The following MANSC1 variants were observed in gnomAD, a reference collection of about 807,000 sequenced individuals.
MANSC1 encodes MANSC domain containing 1, also known as MANSC domain-containing protein 1.
A neutral mutation model predicts 14.1 loss-of-function variants in MANSC1; 13 were observed. The ratio of observed to expected loss-of-function variants is 0.92; its 90% confidence interval spans 0.60 to 1.46. The LOEUF (loss-of-function observed/expected upper bound fraction) is 1.46. Ranked by LOEUF, MANSC1 falls within the 40% of genes most tolerant of loss-of-function variation. The probability of loss-of-function intolerance (pLI) is 0.00; values close to 1 mark genes in which losing one functional copy is unlikely to be tolerated. For missense variants in MANSC1, 486 were observed against 511.4 expected (o/e 0.95, Z 0.48); for synonymous variants, 227 against 200.7 (o/e 1.13, Z -1.11).
intron 3 of MANSC1, among the ~76,000 whole-genome samples, chr12:12,337,560 C>T (rs1251893924): frequency 6.6e-6 from 1 of 152,108 alleles, no homozygotes; most frequent in Non-Finnish European, 1.5e-5. Context: ...GACTCCATCT[C>T]GGAAAAAGCA....
Position 12,330,033 on chromosome 12 carries a change from G to A in MANSC1, c.1290C>T (p.Asp430=), listed in dbSNP as rs756649008. 1.2e-6 allele frequency: 2 copies of A among 1,612,866 alleles called. No individual in the cohort carries two copies. Among genetic ancestry groups the A allele is most frequent in the East Asian group, 4.5e-5 (2 of 44,866 alleles). Residue 430 remains aspartate, a synonymous_variant, in exon 4 of 4, where the codon GAC becomes GAT. Transcript: ENST00000535902. ...GAGACACCGAGTTCCATCCTTAGATGTCCACATAGATCCCATTGATCAAAT... is the reference window on the plus strand; with the variant it reads ...GAGACACCGAGTTCCATCCTTAGATATCCACATAGATCCCATTGATCAAAT... ...LDYLINGIYV[D]I is the part of the protein sequence containing the mutation.
chr12:12,347,345 C>T (rs1160587766), intron 1 of MANSC1, among the ~76,000 whole-genome samples: 4 of 152,096 alleles, frequency 2.6e-5, no homozygotes, highest in Non-Finnish European at 4.4e-5. Flanking sequence ...AGGGTTCGTG[C>T]GCCGATGAGA....
At chr12:12,344,856 G>C (rs1405177140) in intron 1 of MANSC1, among the ~76,000 whole-genome samples, 5 of 136,652 alleles carry the variant, frequency 3.7e-5, no homozygotes, top group African/African-American at 5.5e-5. Flanking sequence ...TTGCTCCTCA[G>C]CCTGCAGATG....
chr12:12,342,345 G>GT (rs1862945162), intron 2 of MANSC1, among the ~76,000 whole-genome samples: 1 of 152,248 alleles, frequency 6.6e-6, no homozygotes, highest in Non-Finnish European at 1.5e-5. Flanking sequence ...AAGAAATTTA[G>GT]TTTTTTTCAT....
At chr12:12,334,634 C>G (rs186510270) in intron 3 of MANSC1, among the ~76,000 whole-genome samples, 5 of 152,212 alleles carry the variant, frequency 3.3e-5, no homozygotes, top group Admixed American at 6.5e-5. Flanking sequence ...CCTTCACACT[C>G]GCCCTAAAAA....
At chr12:12,332,362 C>G (rs531223398) in intron 3 of MANSC1, among the ~76,000 whole-genome samples, 1 of 152,298 alleles carries the variant, frequency 6.6e-6, no homozygotes, top group South Asian at 2.1e-4. Flanking sequence ...CGTGACTACT[C>G]TCTAAGCCTT....
intron 3 of MANSC1, among the ~76,000 whole-genome samples, chr12:12,334,287 A>AG: frequency 6.9e-6 from 1 of 144,180 alleles, no homozygotes; most frequent in East Asian, 2.1e-4. Flanking sequence ...TTAAAAAAAA[A>AG]GAAAAAAAAA....
chr12:12,333,563 A>C (rs1565795013), intron 3 of MANSC1, among the ~76,000 whole-genome samples: 1 of 152,110 alleles, frequency 6.6e-6, no homozygotes, highest in Non-Finnish European at 1.5e-5. Context: ...CCACAAAGGG[A>C]TCCTCCACAC....
chr12:12,347,422 G>T (rs10845529), intron 1 of MANSC1, among the ~76,000 whole-genome samples: 83,286 of 151,950 alleles, frequency 0.55, 23,061 homozygotes, highest in East Asian at 0.71. Context: ...TAAATACAGA[G>T]GAAGCTTTGC....
At chr12:12,334,656 A>G (rs1379883823) in intron 3 of MANSC1, among the ~76,000 whole-genome samples, 2 of 152,216 alleles carry the variant, frequency 1.3e-5, no homozygotes, top group Non-Finnish European at 2.9e-5. Flanking sequence ...ATTTATGCAC[A>G]TGCCAAGTTC....
rs1862753974 is a variant in MANSC1 at position 12,329,658 on chromosome 12, G to A, written c.*369C>T. ...CCCAGCACTTTGGGAGGCCGAGGAG[G>A]GTGGATCACTAGGTCAGGAGTTTGA... On this transcript the variant is annotated 3_prime_UTR_variant, in exon 4 of 4. Transcript: ENST00000535902. The A allele has an allele frequency of 6.0e-6, 1 of 167,800 alleles. No individual in the cohort carries two copies. The highest frequency in any genetic ancestry group is 2.4e-5 in the African/African-American group (1 of 41,722). 10.4% of individuals were successfully genotyped at this position (167,800 alleles called of 1,614,324 possible).
At chr12:12,349,475 G>C (rs917412477) in intron 1 of MANSC1, among the ~76,000 whole-genome samples, 8 of 152,162 alleles carry the variant, frequency 5.3e-5, no homozygotes, top group Admixed American at 5.2e-4. Flanking sequence ...GGTTAGCGAC[G>C]TTTTCTAATC....
Position 12,343,163 on chromosome 12 carries a change from C to T in MANSC1, c.152G>A (p.Gly51Asp), listed in dbSNP as rs755877772. ...AGTTGAAGTATATACGGGCTCATTG[C>T]CTCTGATTCCCTTAGAAAGAGATGA... ...IQSSLSKGIR[G>D]NEPVYTSTQE... The change falls in exon 2 of 4, where the codon GGC (glycine) becomes GAC (aspartate). Residue 51 changes from glycine to aspartate, a missense_variant. Coordinates refer to ENST00000535902, the MANE Select transcript of MANSC1 (RefSeq NM_018050.4). 5 of 1,613,948 alleles carry T rather than the reference C, an allele frequency of 3.1e-6. No individual in the cohort carries two copies. The Admixed American group carries it at 8.3e-5, about 27-fold the overall frequency.
intron 2 of MANSC1, among the ~76,000 whole-genome samples, chr12:12,339,473 G>A (rs143385157): frequency 6.6e-6 from 1 of 151,974 alleles, no homozygotes; most frequent in East Asian, 1.9e-4. Flanking sequence ...TCTCTATATT[G>A]CCCAGGCTAG....
At chr12:12,340,436 T>G (rs1234250993) in intron 2 of MANSC1, among the ~76,000 whole-genome samples, 1 of 152,236 alleles carries the variant, frequency 6.6e-6, no homozygotes, top group Non-Finnish European at 1.5e-5. Context: ...GGAGTACTCC[T>G]GCTTTTCCTT....
At chr12:12,346,558 C>T (rs1468903071) in intron 1 of MANSC1, among the ~76,000 whole-genome samples, 1 of 152,158 alleles carries the variant, frequency 6.6e-6, no homozygotes, top group Non-Finnish European at 1.5e-5. Context: ...GAAATAGACC[C>T]TCACAAAGAG....
chr12:12,343,434 T>A lies in MANSC1; in HGVS notation c.-100-20A>T. The A allele has an allele frequency of 1.6e-6, 1 of 630,528 alleles. No individual in the cohort carries two copies. The highest frequency in any genetic ancestry group is 2.8e-6 in the Non-Finnish European group (1 of 362,750). The allele number at this position is 630,528 out of a possible 1,614,324, so 39.1% of individuals were successfully genotyped here. ...TTCTCTCTAGAACAAAAATGGAAAATCATCAATGAGTTTTGTTTCTTTAAC... is the reference window on the plus strand; with the variant it reads ...TTCTCTCTAGAACAAAAATGGAAAAACATCAATGAGTTTTGTTTCTTTAAC... On this transcript the variant is annotated intron_variant, in intron 1 of 3. Transcript: ENST00000535902.
chr12:12,333,703 T>A (rs1307348729), intron 3 of MANSC1, among the ~76,000 whole-genome samples: 3 of 152,204 alleles, frequency 2.0e-5, no homozygotes, highest in African/African-American at 7.2e-5. Context: ...GGAGTTTTAT[T>A]TTCAAACGAC....
At chr12:12,338,275 T>C in intron 3 of MANSC1, 145 bp downstream of exon 3, 1 of 673,310 alleles carries the variant, frequency 1.5e-6, no homozygotes, top group Non-Finnish European at 2.2e-6. Flanking sequence ...TTTGGTTTAA[T>C]AAATTGAATT....
Sources: gnomAD v4.1 joint callset for allele counts (sites outside exome capture counted in the v4.1 genomes callset) on GRCh38, gnomAD v4.1.1 for gene constraint, MANE v1.5 for transcripts, NCBI Gene and HGNC (gene_info 2026-07-23, HGNC 2026-07-21) for gene names.